TTC14: variants seen among roughly 807,000 people sequenced by gnomAD.
TTC14 encodes tetratricopeptide repeat domain 14.
Under a neutral mutation model 79.9 loss-of-function variants are expected in TTC14, and 63 were observed. The ratio of observed to expected loss-of-function variants is 0.79; its 90% CI spans 0.64 to 0.97. The LOEUF is 0.97. Among genes scored for constraint, TTC14 ranks in the 50% least tolerant of loss-of-function variants. The pLI is 0.00. For missense variants in TTC14, 895 were observed against 894.0 expected (o/e 1.00, Z -0.01); for synonymous variants, 335 against 309.6 (o/e 1.08, Z -0.86).
At chr3:180,616,755 AATAG>A (rs1717260106) in intron 12 of TTC14, 1 of 1,576,966 alleles carries the variant, frequency 6.3e-7, no homozygotes, top group African/African-American at 1.4e-5. Flanking sequence ...TAATATTTTT[AATAG>A]ATGAAGGAGG....
chr3:180,608,315 C>T (rs1039690914), intron 10 of TTC14: 25 of 985,968 alleles, frequency 2.5e-5, no homozygotes, highest in African/African-American at 2.3e-4. Flanking sequence ...TTCACCTTAA[C>T]GGAATGTCTT....
At chr3:180,615,255 G>GA (rs890015677), downstream of TTC14, among the ~76,000 whole-genome samples, 1 of 152,068 alleles carries the variant, frequency 6.6e-6, no homozygotes, top group African/African-American at 2.4e-5. Context: ...AACAGGAAAG[G>GA]AAAGATGAAC....
chr3:180,615,048 G>A (rs1158995642), downstream of TTC14: 5 of 1,552,102 alleles, frequency 3.2e-6, no homozygotes, highest in South Asian at 6.1e-5. Flanking sequence ...TGAAGACTGA[G>A]AAGTAGATGT....
intron 12 of TTC14, chr3:180,616,266 T>TA: frequency 6.2e-7 from 1 of 1,610,540 alleles, no homozygotes; most frequent in Non-Finnish European, 8.5e-7. Context: ...GATTTTTTTT[T>TA]AACCCTCCGC....
In TTC14 at chr3:180,608,626, G is replaced by T; in HGVS notation, c.1291-75G>T. On this transcript the variant is annotated intron_variant, in intron 10 of 11. Transcript: ENST00000296015. ...TAAATTGGGTTTCTCGTTGGGGGTG[G>T]TCTTTTGAATACTGGGTTTTATATA... The T allele has an allele frequency of 8.0e-6, 11 of 1,377,138 alleles. No individual in the cohort carries two copies. In the South Asian group the frequency reaches 2.0e-4, roughly 24 times the overall value. The allele number at this position is 1,377,138 out of a possible 1,614,324, so 85.3% of individuals were successfully genotyped here.
At chr3:180,617,302 C>A in intron 12 of TTC14, 1 of 490,180 alleles carries the variant, frequency 2.0e-6, no homozygotes, top group Admixed American at 3.4e-5. Flanking sequence ...ATGTACAGTG[C>A]ATAATACTTG....
At position 180,610,048 on chromosome 3, in the gene TTC14, C is replaced by T. The variant is rs1716907580; in HGVS notation, c.1819C>T (p.Gln607Ter). Residue 607 changes from glutamine (Q) to a stop codon, truncating the protein, a stop_gained, in exon 12 of 12, where the codon CAA (glutamine) becomes TAA (stop). Coordinates refer to ENST00000296015, the MANE Select transcript of TTC14 (RefSeq NM_133462.4). LOFTEE classifies it high-confidence loss of function. ...PRDFYNSYKTQAGSSKTEKPY... is the reference protein window; with the variant it reads ...PRDFYNSYKT ...AGATTTTTATAACAGCTATAAAACC[C>T]AAGCAGGTAGTAGCAAAACAGAAAA... is the stretch of plus-strand genomic sequence containing the variant. The T allele has an allele frequency of 6.2e-7, 1 of 1,613,908 alleles. No individual in the cohort carries two copies. Among genetic ancestry groups the T allele is most frequent in the Non-Finnish European group, 8.5e-7 (1 of 1,179,922 alleles).
intron 10 of TTC14, chr3:180,607,982 C>G (rs1027478456): frequency 1.6e-6 from 2 of 1,284,066 alleles, no homozygotes; most frequent in African/African-American, 3.1e-5. Flanking sequence ...AAACTATTAC[C>G]TAAATTTGGT....
intron 12 of TTC14, chr3:180,616,497 A>G (rs1360892276): frequency 6.6e-7 from 1 of 1,515,078 alleles, no homozygotes; most frequent in African/African-American, 1.4e-5. Flanking sequence ...GAAATATTTA[A>G]TAGAAGGTGC....
chr3:180,609,274 T>C (rs753280351), intron 11 of TTC14: 27 of 909,582 alleles, frequency 3.0e-5, no homozygotes, highest in Non-Finnish European at 3.6e-5. Context: ...TACCAAGAAT[T>C]ATTTGGCTGA....
Position 180,610,425 on chromosome 3 carries a change from AAGT to A in TTC14, c.2199_2201del (p.Ser734del). ...CAGAGGTTCCAGAAGAAGATGCACT[AAGT>A]AGCAAAGAACACTCAGAAAGCAGTG... On this transcript the variant is annotated inframe_deletion, in exon 12 of 12. Transcript: ENST00000296015. 6.2e-7 allele frequency: 1 copy of A among 1,613,864 alleles called. No homozygotes were observed.
intron 3 of TTC14, 63 bp downstream of exon 3, chr3:180,603,386 A>AT: frequency 7.5e-7 from 1 of 1,337,696 alleles, no homozygotes; most frequent in African/African-American, 1.4e-5. Flanking sequence ...TGCAAGAACT[A>AT]TATCTTTGCA....
intron 11 of TTC14, 62 bp from the exon 12 acceptor site, chr3:180,609,568 A>G: frequency 8.4e-6 from 12 of 1,429,826 alleles, no homozygotes; most frequent in Non-Finnish European, 1.1e-5. Context: ...TAGGGCCCAC[A>G]TCTTTATGAA....
chr3:180,607,066 T>C (rs2108394819), intron 9 of TTC14, among the ~76,000 whole-genome samples: 2 of 152,290 alleles, frequency 1.3e-5, no homozygotes, highest in South Asian at 4.1e-4. Flanking sequence ...GTTTCCCATA[T>C]CCAGTCTACT....
At chr3:180,614,266 C>A (rs1366317159), downstream of TTC14, 1 of 154,028 alleles carries the variant, frequency 6.5e-6, no homozygotes, top group Admixed American at 6.6e-5. Flanking sequence ...ATCTTTAATG[C>A]GTTTATTTCA....
intron 1 of TTC14, 108 bp from the exon 2 acceptor site, chr3:180,602,783 G>A: frequency 7.7e-7 from 1 of 1,293,338 alleles, no homozygotes; most frequent in Non-Finnish European, 1.0e-6. Context: ...TGTATTGTCT[G>A]CAGCTTAGGA....
rs1481215486 is a variant in TTC14, at chr3:180,604,205, TA to T, written c.487-16del. ...TCAAAGCTTGAAATGTCTGGTGTTT[TA>T]AAATACTTCTCATTACAGGCTCTTT... On this transcript the variant is annotated intron_variant, in intron 3 of 11. Coordinates refer to ENST00000296015, the MANE Select transcript of TTC14 (RefSeq NM_133462.4). The T allele has an allele frequency of 6.2e-7, 1 of 1,602,904 alleles. No individual in the cohort carries two copies. The highest frequency in any genetic ancestry group is 8.5e-7 in the Non-Finnish European group (1 of 1,171,620).
At chr3:180,617,553 C>T (rs1397405228) in exon 13 of TTC14, 2 of 599,322 alleles carry the variant, frequency 3.3e-6, no homozygotes, top group South Asian at 4.6e-5. Flanking sequence ...TATTGATGAT[C>T]CTGACCACGG....
chr3:180,608,148 C>A, intron 10 of TTC14: 2 of 1,009,502 alleles, frequency 2.0e-6, no homozygotes, highest in Non-Finnish European at 2.4e-6. Context: ...CATGCATTTT[C>A]TTCTGAATTG....
Sources: gnomAD v4.1 joint callset for allele counts (sites outside exome capture counted in the v4.1 genomes callset) on GRCh38, gnomAD v4.1.1 for gene constraint, MANE v1.5 for transcripts, NCBI Gene and HGNC (gene_info 2026-07-23, HGNC 2026-07-21) for gene names.